Variants in PCOLCE2 observed in about 807,000 individuals in gnomAD.
PCOLCE2 encodes procollagen C-endopeptidase enhancer 2.
In PCOLCE2, 42 loss-of-function variants were observed where a neutral mutation model predicts 47.0. The observed-to-expected ratio is 0.89, with a 90% CI of 0.70 to 1.16. The LOEUF is 1.16. Ranked by LOEUF, PCOLCE2 falls within the 50% of genes most tolerant of loss-of-function variation. The pLI is 0.00. For missense variants in PCOLCE2, 500 were observed against 526.1 expected (o/e 0.95, Z 0.49); for synonymous variants, 169 against 191.7 (o/e 0.88, Z 0.98).
chr3:142,848,117 T>G, intron 3 of PCOLCE2, 100 bp downstream of exon 3: 3 of 1,267,204 alleles, frequency 2.4e-6, no homozygotes, highest in Non-Finnish European at 3.3e-6. Flanking sequence ...ACTAGCTCTT[T>G]GAGAACCACT....
chr3:142,887,062 T>C (rs1400809332), intron 2 of PCOLCE2, among the ~76,000 whole-genome samples: 1 of 152,182 alleles, frequency 6.6e-6, no homozygotes, highest in Non-Finnish European at 1.5e-5. Context: ...TATATGGCTG[T>C]CTCTAAATCC....
Position 142,842,364 on chromosome 3 carries a change from C to T in PCOLCE2, c.573+560G>A, listed in dbSNP as rs1359310477. On this transcript the variant is annotated intron_variant, in intron 4 of 8. Transcript: ENST00000295992. The surrounding 1 kb of genome is among the most constrained non-coding windows in gnomAD (Gnocchi z 4.1). ...AACAATCCTATGTGAGATCTGCTTACCATTTGTATTTTTAAAACTGTTTTG... is the reference window on the plus strand; with the variant it reads ...AACAATCCTATGTGAGATCTGCTTATCATTTGTATTTTTAAAACTGTTTTG... Among the ~76,000 whole-genome samples, 1 of 152,110 alleles carries T rather than the reference C, an allele frequency of 6.6e-6. No individual in the cohort carries two copies. Among genetic ancestry groups the T allele is most frequent in the Non-Finnish European group, 1.5e-5 (1 of 68,022 alleles).
At chr3:142,851,849 A>G (rs1932947640) in intron 2 of PCOLCE2, among the ~76,000 whole-genome samples, 1 of 152,184 alleles carries the variant, frequency 6.6e-6, no homozygotes, top group African/African-American at 2.4e-5. Context: ...CTCTGACACT[A>G]CGTAGACAAT....
At chr3:142,877,541 C>A (rs1933524305) in intron 2 of PCOLCE2, among the ~76,000 whole-genome samples, 1 of 152,206 alleles carries the variant, frequency 6.6e-6, no homozygotes, top group Admixed American at 6.5e-5. Context: ...AAGCACTGTG[C>A]TAAGGGACTT....
At chr3:142,820,836 T>C in intron 8 of PCOLCE2, 42 bp downstream of exon 8, 1 of 1,549,846 alleles carries the variant, frequency 6.5e-7, no homozygotes. Flanking sequence ...GCATGGAAAA[T>C]CCATGGCTTG....
chr3:142,846,229 C>T lies in PCOLCE2; in HGVS notation c.448+1988G>A, dbSNP rs188645570. The stretch of plus-strand genomic sequence containing the variant: ...ATTATTTATTTTTTAGATGGAATCT[C>T]GCTCTGTTGCCCAGGTTGGAGGGCA... On this transcript the variant is annotated intron_variant, in intron 3 of 8. Coordinates refer to ENST00000295992, the MANE Select transcript of PCOLCE2 (RefSeq NM_013363.4). Among the ~76,000 whole-genome samples, 10 of 152,258 alleles carry T rather than the reference C, an allele frequency of 6.6e-5. No homozygotes were observed. The South Asian group carries it at 1.0e-3, about 16-fold the overall frequency.
chr3:142,867,038 G>A (rs1017466362), intron 2 of PCOLCE2, among the ~76,000 whole-genome samples: 1 of 152,210 alleles, frequency 6.6e-6, no homozygotes, highest in African/African-American at 2.4e-5. Flanking sequence ...CATAATAAAA[G>A]GTTAGGGTGG....
chr3:142,833,473 C>T (rs1435959810), intron 5 of PCOLCE2, among the ~76,000 whole-genome samples: 3 of 150,966 alleles, frequency 2.0e-5, no homozygotes, highest in South Asian at 4.2e-4. Flanking sequence ...TGAGCCACCA[C>T]GCTCAGCCTT....
intron 5 of PCOLCE2, among the ~76,000 whole-genome samples, chr3:142,831,807 T>G (rs560295161): frequency 6.6e-6 from 1 of 152,366 alleles, no homozygotes; most frequent in South Asian, 2.1e-4. Context: ...CTGCCTTTTC[T>G]ATGAATTAAC....
intron 2 of PCOLCE2, among the ~76,000 whole-genome samples, chr3:142,860,719 C>A (rs1933166316): frequency 6.6e-6 from 1 of 152,212 alleles, no homozygotes; most frequent in African/African-American, 2.4e-5. Context: ...ATGCCTTGTT[C>A]TTTAAGTTAG....
At chr3:142,846,300 C>A (rs995466327) in intron 3 of PCOLCE2, among the ~76,000 whole-genome samples, 1 of 152,154 alleles carries the variant, frequency 6.6e-6, no homozygotes, top group Non-Finnish European at 1.5e-5. Context: ...CAGGTTCAAG[C>A]GATTCTCCTG....
intron 5 of PCOLCE2, among the ~76,000 whole-genome samples, chr3:142,832,826 G>C (rs1937165775): frequency 6.6e-6 from 1 of 152,150 alleles, no homozygotes; most frequent in South Asian, 2.1e-4. Flanking sequence ...TGCTCCTCCT[G>C]TTCATTTTTT....
chr3:142,868,327 C>T (rs891467279), intron 2 of PCOLCE2, among the ~76,000 whole-genome samples: 17 of 152,164 alleles, frequency 1.1e-4, no homozygotes, highest in African/African-American at 3.4e-4. Flanking sequence ...ATGGACCCCT[C>T]GTCTTGGCCA....
At chr3:142,820,375 TAA>T (rs372884034) in intron 8 of PCOLCE2, among the ~76,000 whole-genome samples, 2 of 152,234 alleles carry the variant, frequency 1.3e-5, no homozygotes, top group Non-Finnish European at 2.9e-5. Context: ...TACATATTCT[TAA>T]AAAGTCATGT....
At chr3:142,877,616 G>T (rs1042365703) in intron 2 of PCOLCE2, among the ~76,000 whole-genome samples, 1 of 152,146 alleles carries the variant, frequency 6.6e-6, no homozygotes, top group African/African-American at 2.4e-5. Context: ...TTATATCCAG[G>T]ATACTAACTT....
At chr3:142,856,618 C>T (rs1397727648) in intron 2 of PCOLCE2, among the ~76,000 whole-genome samples, 1 of 152,180 alleles carries the variant, frequency 6.6e-6, no homozygotes, top group Non-Finnish European at 1.5e-5. Context: ...CCCACAGAAG[C>T]AGGAAGGCTA....
chr3:142,819,678 C>T (rs1432653533), intron 8 of PCOLCE2, among the ~76,000 whole-genome samples: 2 of 152,094 alleles, frequency 1.3e-5, no homozygotes, highest in Non-Finnish European at 2.9e-5. Flanking sequence ...GACAGTCTTG[C>T]TCTGCCACCC....
chr3:142,879,720 G>C (rs142423303), intron 2 of PCOLCE2, among the ~76,000 whole-genome samples: 1 of 152,056 alleles, frequency 6.6e-6, no homozygotes, highest in African/African-American at 2.4e-5. Flanking sequence ...CTATAATCCC[G>C]GCACTTTGGG....
chr3:142,861,512 T>C (rs926205735), intron 2 of PCOLCE2, among the ~76,000 whole-genome samples: 2 of 152,194 alleles, frequency 1.3e-5, no homozygotes, highest in African/African-American at 2.4e-5. Context: ...ATCTCTATTA[T>C]CAAGTTTTAA....
Sources: allele counts gnomAD v4.1 joint callset (sites outside exome capture counted in the v4.1 genomes callset), GRCh38; gene constraint gnomAD v4.1.1; non-coding constraint Gnocchi (gnomAD v3.1); transcripts MANE v1.5; gene names NCBI Gene and HGNC (gene_info 2026-07-23, HGNC 2026-07-21).